The following CNTN3 variants were observed in gnomAD, a reference collection of about 807,000 sequenced individuals.
CNTN3 encodes the protein contactin 3.
A neutral mutation model predicts 119.1 loss-of-function variants in CNTN3; 60 were observed. That is an observed-to-expected ratio of 0.50 (90% CI 0.41 to 0.62). The LOEUF (loss-of-function observed/expected upper bound fraction) is 0.62, where lower values mean the gene tolerates loss of function less well. Ranked by LOEUF, CNTN3 falls within the 20% of genes least tolerant of loss-of-function variation. The probability of loss-of-function intolerance (pLI) is 0.00; values close to 1 mark genes in which losing one functional copy is unlikely to be tolerated. For synonymous variants in CNTN3, 450 were observed against 438.7 expected (o/e 1.03, Z -0.32); for missense variants, 1,101 against 1,242.4 (o/e 0.89, Z 1.71).
rs553586866 is a variant in CNTN3, at chr3:74,513,468, T to G, written c.55+7590A>C. On this transcript the variant is annotated intron_variant, in intron 2 of 22. Transcript: ENST00000263665. The stretch of plus-strand genomic sequence containing the variant: ...CATTTATAAAATGGCAGCCTACATA[T>G]TCCACTCTCTCAGGTCAGCAGACAC... Among the ~76,000 whole-genome samples, 3 of 152,260 alleles carry G rather than the reference T, an allele frequency of 2.0e-5. No individual in the cohort carries two copies. In the South Asian group the frequency reaches 6.2e-4, roughly 32 times the overall value.
intron 4 of CNTN3, among the ~76,000 whole-genome samples, chr3:74,440,654 GTTAT>G (rs1321519833): frequency 6.6e-6 from 1 of 151,560 alleles, no homozygotes; most frequent in Non-Finnish European, 1.5e-5. Flanking sequence ...TTTTCCTGTT[GTTAT>G]TTATTTTTTT....
intron 1 of CNTN3, among the ~76,000 whole-genome samples, chr3:74,525,420 T>C (rs1173362162): frequency 6.6e-6 from 1 of 151,832 alleles, no homozygotes; most frequent in African/African-American, 2.4e-5. Flanking sequence ...ATTAATACTA[T>C]CACAATCTGA....
chr3:74,384,063 T>C (rs932861392), intron 5 of CNTN3, among the ~76,000 whole-genome samples: 1 of 152,214 alleles, frequency 6.6e-6, no homozygotes, highest in African/African-American at 2.4e-5. Flanking sequence ...GAATATTTAA[T>C]ATAATCTAAA....
intron 4 of CNTN3, among the ~76,000 whole-genome samples, chr3:74,437,425 G>A (rs1701886874): frequency 6.6e-6 from 1 of 151,958 alleles, no homozygotes; most frequent in South Asian, 2.1e-4. Context: ...TCGCACCACT[G>A]CACTCCAACC....
At position 74,266,530 on chromosome 3, in the gene CNTN3, A is replaced by C. The variant is rs773996824; in HGVS notation, c.2937T>G (p.Asp979Glu). 2 of 1,613,568 alleles carry C rather than the reference A, an allele frequency of 1.2e-6. No individual in the cohort carries two copies. The highest frequency in any genetic ancestry group is 1.3e-5 in the African/African-American group (1 of 75,010). Residue 979 changes from aspartate to glutamate, a missense_variant, in exon 22 of 23, where the codon GAT (aspartate) becomes GAG (glutamate). Physicochemically the swap from Asp to Glu is conservative, Grantham distance 45. Coordinates refer to ENST00000263665, the MANE Select transcript of CNTN3 (RefSeq NM_020872.3). ...DYIIEVKATTDGGDGTSSEQI... is the reference protein window; with the variant it reads ...DYIIEVKATTEGGDGTSSEQI... The stretch of plus-strand genomic sequence containing the variant: ...GTTCACTACTGGTCCCATCCCCTCC[A>C]TCTGTTGTGGCCTTGACTTCAATAA...
At chr3:74,342,677 T>C (rs1242024346) in intron 11 of CNTN3, among the ~76,000 whole-genome samples, 1 of 152,236 alleles carries the variant, frequency 6.6e-6, no homozygotes, top group African/African-American at 2.4e-5. Context: ...AAAATGTTGC[T>C]AAACGCATAT....
intron 11 of CNTN3, among the ~76,000 whole-genome samples, chr3:74,342,190 G>T (rs1425757365): frequency 6.6e-6 from 1 of 152,024 alleles, no homozygotes; most frequent in Non-Finnish European, 1.5e-5. Flanking sequence ...GAGAGAAAAA[G>T]ACCATAGAGT....
chr3:74,364,339 C>A, intron 10 of CNTN3, 128 bp downstream of exon 10: 1 of 822,118 alleles, frequency 1.2e-6, no homozygotes, highest in Non-Finnish European at 1.8e-6. Context: ...ACTGAATGAT[C>A]GTGTTGTAAT....
intron 4 of CNTN3, among the ~76,000 whole-genome samples, chr3:74,481,677 C>A (rs1006280220): frequency 2.0e-5 from 3 of 151,462 alleles, no homozygotes; most frequent in Admixed American, 6.6e-5. Context: ...ATAAGTTAAC[C>A]ATACAAGTTA....
At chr3:74,379,693 C>G (rs1575672920) in intron 5 of CNTN3, among the ~76,000 whole-genome samples, 1 of 152,018 alleles carries the variant, frequency 6.6e-6, no homozygotes, top group African/African-American at 2.4e-5. Flanking sequence ...GACTGACTAC[C>G]CTTCACTCCT....
At chr3:74,595,259 T>C (rs1183606593) in intron 1 of CNTN3, among the ~76,000 whole-genome samples, 1 of 151,670 alleles carries the variant, frequency 6.6e-6, no homozygotes, top group Non-Finnish European at 1.5e-5. Context: ...TTCACTCTGA[T>C]GGTAGTTTCT....
chr3:74,431,144 C>T (rs181631615), intron 4 of CNTN3, among the ~76,000 whole-genome samples: 79 of 152,282 alleles, frequency 5.2e-4, no homozygotes, highest in African/African-American at 1.8e-3. Context: ...TATATTGGGC[C>T]AGGTTTTCTA....
intron 1 of CNTN3, among the ~76,000 whole-genome samples, chr3:74,552,174 C>A (rs1244831964): frequency 2.0e-5 from 3 of 152,028 alleles, no homozygotes; most frequent in African/African-American, 7.2e-5. Context: ...ATGGTTGTAC[C>A]ACAATTTATT....
At chr3:74,407,406 T>A (rs1158854888) in intron 5 of CNTN3, among the ~76,000 whole-genome samples, 1 of 151,004 alleles carries the variant, frequency 6.6e-6, no homozygotes, top group African/African-American at 2.4e-5. Context: ...GTAGCTGGGA[T>A]TACAGGCATG....
intron 4 of CNTN3, among the ~76,000 whole-genome samples, chr3:74,457,399 C>G (rs1702290005): frequency 6.6e-6 from 1 of 151,916 alleles, no homozygotes; most frequent in Admixed American, 6.6e-5. Flanking sequence ...TTATCATCAA[C>G]TATGTGCCTA....
chr3:74,382,784 G>A (rs1015013421), intron 5 of CNTN3, among the ~76,000 whole-genome samples: 1 of 152,106 alleles, frequency 6.6e-6, no homozygotes, highest in African/African-American at 2.4e-5. Flanking sequence ...GGACACTTAG[G>A]CTGAGTCCAC....
chr3:74,446,430 G>C (rs1283721675), intron 4 of CNTN3, among the ~76,000 whole-genome samples: 2 of 152,116 alleles, frequency 1.3e-5, no homozygotes, highest in Non-Finnish European at 2.9e-5. Flanking sequence ...GTAGAAAGGA[G>C]AAACTCTTTT....
At chr3:74,492,899 A>G (rs1702993434) in intron 3 of CNTN3, among the ~76,000 whole-genome samples, 1 of 152,124 alleles carries the variant, frequency 6.6e-6, no homozygotes, top group Non-Finnish European at 1.5e-5. Flanking sequence ...TGACTATTTC[A>G]ATCACTGTTG....
intron 1 of CNTN3, among the ~76,000 whole-genome samples, chr3:74,596,741 A>T (rs141499876): frequency 5.3e-5 from 8 of 152,158 alleles, no homozygotes; most frequent in Non-Finnish European, 1.0e-4. Context: ...TCAAAATTGA[A>T]ATCAGTGGGC....
Sources: gnomAD v4.1 joint callset for allele counts (sites outside exome capture counted in the v4.1 genomes callset) on GRCh38, gnomAD v4.1.1 for gene constraint, MANE v1.5 for transcripts, NCBI Gene and HGNC (gene_info 2026-07-23, HGNC 2026-07-21) for gene names.